KCNA2: variants seen among roughly 807,000 people sequenced by gnomAD.
KCNA2 encodes potassium channel, voltage gated shaker related subfamily A, member 2.
A neutral mutation model predicts 33.4 loss-of-function variants in KCNA2; 11 were observed. That is an observed-to-expected ratio of 0.33 (90% CI 0.21 to 0.55). The LOEUF (loss-of-function observed/expected upper bound fraction) is 0.55, where lower values mean the gene tolerates loss of function less well. KCNA2 is among the 20% of genes least tolerant of loss of function. The pLI is 0.93. For synonymous variants in KCNA2, 222 were observed against 231.3 expected, an observed-to-expected ratio of 0.96 and a Z score of 0.37; for missense variants, 291 against 621.6, an observed-to-expected ratio of 0.47 and a Z score of 5.66.
At chr1:110,620,831 C>A (rs2101458126) in intron 1 of KCNA2, among the ~76,000 whole-genome samples, 1 of 152,306 alleles carries the variant, frequency 6.6e-6, no homozygotes, top group Non-Finnish European at 1.5e-5. Context: ...GCAAAACAAA[C>A]TGCTCTTATT....
intron 1 of KCNA2, among the ~76,000 whole-genome samples, chr1:110,611,780 T>A (rs1395148552): frequency 6.7e-6 from 1 of 149,796 alleles, no homozygotes; most frequent in African/African-American, 2.5e-5. Flanking sequence ...TCTAACACTC[T>A]GGGAGGTTGA....
chr1:110,621,159 A>G (rs1335063621), intron 1 of KCNA2, among the ~76,000 whole-genome samples: 1 of 152,220 alleles, frequency 6.6e-6, no homozygotes, highest in Non-Finnish European at 1.5e-5. Context: ...TCTGTCCTGC[A>G]GAGTCCCACT....
Position 110,594,009 on chromosome 1 carries a change from A to T in KCNA2, c.*9274T>A. The stretch of plus-strand genomic sequence containing the variant: ...TCCCCGCAAGTCCTGCTCCGCCTTC[A>T]GCTCTCATTGGTCCCCAGCCTCTTA... On this transcript the variant is annotated 3_prime_UTR_variant, in exon 3 of 3. Coordinates refer to ENST00000316361, the MANE Select transcript of KCNA2 (RefSeq NM_004974.4). 1 of 1,542,612 alleles carries T rather than the reference A, an allele frequency of 6.5e-7. No individual in the cohort carries two copies. Among genetic ancestry groups the T allele is most frequent in the South Asian group, 1.2e-5 (1 of 82,510 alleles).
upstream of KCNA2, among the ~76,000 whole-genome samples, chr1:110,609,603 G>GAGAT (rs1177840849): frequency 6.6e-6 from 1 of 152,114 alleles, no homozygotes; most frequent in Non-Finnish European, 1.5e-5. Context: ...TTCCCTCTTT[G>GAGAT]AGATCTTCCT....
Position 110,597,273 on chromosome 1 carries a change from G to A in KCNA2, c.*6010C>T, listed in dbSNP as rs1649135464. On this transcript the variant is annotated 3_prime_UTR_variant, in exon 3 of 3. Coordinates refer to ENST00000316361, the MANE Select transcript of KCNA2 (RefSeq NM_004974.4). ...GGGGAAGCAAAAGGATCAAGTAATG[G>A]CTTTTAGTGCATGGAAATGATCTTC... The A allele has an allele frequency of 1.0e-6, 1 of 985,302 alleles. No individual in the cohort carries two copies. Among genetic ancestry groups the A allele is most frequent in the Non-Finnish European group, 1.2e-6 (1 of 829,944 alleles). The allele number at this position is 985,302 out of a possible 1,614,324, so 61.0% of individuals were successfully genotyped here. A position where few individuals can be genotyped will look rare whatever the true frequency, so the allele number is the denominator to read the frequency against.
In KCNA2 at chr1:110,594,030, T is replaced by C; in HGVS notation, c.*9253A>G. On this transcript the variant is annotated 3_prime_UTR_variant, in exon 3 of 3. Coordinates refer to ENST00000316361, the MANE Select transcript of KCNA2 (RefSeq NM_004974.4). The stretch of plus-strand genomic sequence containing the variant: ...CTTCAGCTCTCATTGGTCCCCAGCC[T>C]CTTATCACCATGGAGACCCCAGTTC... 1.3e-6 allele frequency: 2 copies of C among 1,531,144 alleles called. No individual in the cohort carries two copies. Among genetic ancestry groups the C allele is most frequent in the East Asian group, 5.0e-5 (2 of 40,342 alleles). 94.8% of individuals were successfully genotyped at this position (1,531,144 alleles called of 1,614,324 possible).
chr1:110,629,248 C>A (rs978090031), intron 1 of KCNA2, among the ~76,000 whole-genome samples: 1 of 152,074 alleles, frequency 6.6e-6, no homozygotes, highest in African/African-American at 2.4e-5. Flanking sequence ...CCCCAATCAG[C>A]GAGTGATTTT....
upstream of KCNA2, among the ~76,000 whole-genome samples, chr1:110,609,408 G>A (rs1239878502): frequency 6.6e-6 from 1 of 152,170 alleles, no homozygotes; most frequent in Non-Finnish European, 1.5e-5. Context: ...AGCCCTAGAA[G>A]TCAATGTATA....
chr1:110,626,622 A>C (rs575292635), intron 1 of KCNA2, among the ~76,000 whole-genome samples: 1 of 151,972 alleles, frequency 6.6e-6, no homozygotes, highest in Admixed American at 6.5e-5. Flanking sequence ...CTTAAATTTC[A>C]CCATTAATGC....
chr1:110,630,683 C>A (rs1293954343), intron 1 of KCNA2, among the ~76,000 whole-genome samples: 2 of 152,164 alleles, frequency 1.3e-5, no homozygotes, highest in African/African-American at 4.8e-5. Context: ...TTGAGAAAAA[C>A]AACAGACACT....
Position 110,601,471 on chromosome 1 carries a change from C to G in KCNA2, c.*1812G>C. 1 of 985,630 alleles carries G rather than the reference C, an allele frequency of 1.0e-6. No individual in the cohort carries two copies. The highest frequency in any genetic ancestry group is 1.2e-6 in the Non-Finnish European group (1 of 830,108). The allele number at this position is 985,630 out of a possible 1,614,324, so 61.1% of individuals were successfully genotyped here. A position where few individuals can be genotyped will look rare whatever the true frequency, so the allele number is the denominator to read the frequency against. ...AAGAGGTGAAAATGGAGATGATGAA[C>G]AGGATGAACTGTAGAGAGGAGGCCC... On this transcript the variant is annotated 3_prime_UTR_variant, in exon 3 of 3. Coordinates refer to ENST00000316361, the MANE Select transcript of KCNA2 (RefSeq NM_004974.4).
rs1433158917 is a variant in KCNA2 at position 110,595,481 on chromosome 1, C to T, written c.*7802G>A. ...TCTGTGGGTGTGGGGAGATGGCAGA[C>T]ACCCCTGCACCACTTCAATTGCTCC... On this transcript the variant is annotated 3_prime_UTR_variant, in exon 3 of 3. Coordinates refer to ENST00000316361, the MANE Select transcript of KCNA2 (RefSeq NM_004974.4). The T allele has an allele frequency of 2.0e-6, 2 of 985,288 alleles. No homozygotes were observed. The highest frequency in any genetic ancestry group is 2.4e-6 in the Non-Finnish European group (2 of 829,948). The allele number at this position is 985,288 out of a possible 1,614,324, so 61.0% of individuals were successfully genotyped here.
chr1:110,621,534 T>C (rs1186729727), intron 1 of KCNA2, among the ~76,000 whole-genome samples: 2 of 151,924 alleles, frequency 1.3e-5, no homozygotes, highest in African/African-American at 4.8e-5. Context: ...CAGAGAACAA[T>C]AGATAAAATC....
In KCNA2 at chr1:110,597,069, T is replaced by A; in HGVS notation, c.*6214A>T. 2.0e-6 allele frequency: 2 copies of A among 985,466 alleles called. No individual in the cohort carries two copies. The highest frequency in any genetic ancestry group is 2.4e-6 in the Non-Finnish European group (2 of 829,950). 61.0% of individuals were successfully genotyped at this position (985,466 alleles called of 1,614,324 possible). ...AACTTCTATCCCTGTAGACTTCTAC[T>A]GAAACCCACAAGAACCTGCTTCCTT... On this transcript the variant is annotated 3_prime_UTR_variant, in exon 3 of 3. Transcript: ENST00000316361.
intron 1 of KCNA2, among the ~76,000 whole-genome samples, chr1:110,630,830 C>G (rs1055369269): frequency 2.0e-5 from 3 of 152,150 alleles, no homozygotes; most frequent in Non-Finnish European, 2.9e-5. Flanking sequence ...GCTCACTCCC[C>G]AAAGAGCCTC....
chr1:110,594,961 GCTC>G lies in KCNA2; in HGVS notation c.*8319_*8321del. ...GCCCCTGAATATTCTCTTCCTCCCAGCTCCTCCTATTGCTTTCTCTAGCAGCCC... is the reference window on the plus strand; with the variant it reads ...GCCCCTGAATATTCTCTTCCTCCCAGCTCCTATTGCTTTCTCTAGCAGCCC... On this transcript the variant is annotated 3_prime_UTR_variant, in exon 3 of 3. Transcript: ENST00000316361. The G allele has an allele frequency of 3.0e-6, 3 of 985,384 alleles. No individual in the cohort carries two copies. Among genetic ancestry groups the G allele is most frequent in the Non-Finnish European group, 1.2e-6 (1 of 829,934 alleles). 61.0% of individuals were successfully genotyped at this position (985,384 alleles called of 1,614,324 possible). A position where few individuals can be genotyped will look rare whatever the true frequency, so the allele number is the denominator to read the frequency against.
Position 110,600,275 on chromosome 1 carries a change from G to GTA in KCNA2, c.*3006_*3007dup. ...CCTATTATAAGTTAATGCATCGTGTGTATATACTGAGTTTGTGTGTATTTT... is the reference window on the plus strand; with the variant it reads ...CCTATTATAAGTTAATGCATCGTGTGTATATATACTGAGTTTGTGTGTATTTT... On this transcript the variant is annotated 3_prime_UTR_variant, in exon 3 of 3. Coordinates refer to ENST00000316361, the MANE Select transcript of KCNA2 (RefSeq NM_004974.4). 1.0e-6 allele frequency: 1 copy of GTA among 982,756 alleles called. No individual in the cohort carries two copies. Among genetic ancestry groups the GTA allele is most frequent in the Non-Finnish European group, 1.2e-6 (1 of 829,454 alleles). 60.9% of individuals were successfully genotyped at this position (982,756 alleles called of 1,614,324 possible). A position where few individuals can be genotyped will look rare whatever the true frequency, so the allele number is the denominator to read the frequency against.
Position 110,595,426 on chromosome 1 carries a change from T to A in KCNA2, c.*7857A>T. 4 of 985,420 alleles carry A rather than the reference T, an allele frequency of 4.1e-6. No homozygotes were observed. The highest frequency in any genetic ancestry group is 4.8e-6 in the Non-Finnish European group (4 of 829,926). 61.0% of individuals were successfully genotyped at this position (985,420 alleles called of 1,614,324 possible). A position where few individuals can be genotyped will look rare whatever the true frequency, so the allele number is the denominator to read the frequency against. ...TGGGTTATGGGCTTCTGCTGCCTGATCACAACTAACATAGCCAGACTGGAG... is the reference window on the plus strand; with the variant it reads ...TGGGTTATGGGCTTCTGCTGCCTGAACACAACTAACATAGCCAGACTGGAG... On this transcript the variant is annotated 3_prime_UTR_variant, in exon 3 of 3. Transcript: ENST00000316361.
At chr1:110,625,653 C>A (rs969209823) in intron 1 of KCNA2, among the ~76,000 whole-genome samples, 2 of 151,850 alleles carry the variant, frequency 1.3e-5, no homozygotes, top group African/African-American at 4.8e-5. Context: ...TAAGACAATT[C>A]AAAGAAAAAT....
Sources: gnomAD v4.1 joint callset for allele counts (sites outside exome capture counted in the v4.1 genomes callset) on GRCh38, gnomAD v4.1.1 for gene constraint, MANE v1.5 for transcripts, NCBI Gene and HGNC (gene_info 2026-07-23, HGNC 2026-07-21) for gene names.